The following LPP variants were observed in gnomAD, a reference collection of about 807,000 sequenced individuals.
The protein encoded by LPP is lipoma-preferred partner.
A neutral mutation model predicts 60.4 loss-of-function variants in LPP; 38 were observed. That is an observed-to-expected ratio of 0.63 (90% CI 0.49 to 0.83). LPP has a LOEUF of 0.83. LPP is among the 40% of genes least tolerant of loss of function. The pLI is 0.00. For missense variants in LPP, 902 were observed against 783.6 expected, an observed-to-expected ratio of 1.15 and a Z score of -1.80; for synonymous variants, 328 against 290.8, an observed-to-expected ratio of 1.13 and a Z score of -1.30.
chr3:188,283,031 G>C (rs1049012224), intron 2 of LPP, among the ~76,000 whole-genome samples: 3 of 152,114 alleles, frequency 2.0e-5, no homozygotes, highest in East Asian at 1.9e-4. Flanking sequence ...GAACTAGAAG[G>C]GCCCCTGGGA....
chr3:188,701,925 C>G (rs1864492145), intron 7 of LPP, among the ~76,000 whole-genome samples: 1 of 149,242 alleles, frequency 6.7e-6, no homozygotes, highest in South Asian at 2.1e-4. Flanking sequence ...CTTTTCTCAT[C>G]CTAGTTCTGT....
chr3:188,573,747 G>A (rs756274716), intron 6 of LPP, among the ~76,000 whole-genome samples: 14 of 151,934 alleles, frequency 9.2e-5, no homozygotes, highest in Non-Finnish European at 1.9e-4. Flanking sequence ...TTGGGGTTGC[G>A]GGGTATAGAG....
At chr3:188,466,118 TC>T (rs1330040311) in intron 4 of LPP, among the ~76,000 whole-genome samples, 10 of 152,120 alleles carry the variant, frequency 6.6e-5, no homozygotes, top group Middle Eastern at 3.2e-3. Flanking sequence ...ATATGGAAAA[TC>T]ATGGCTCAAT....
intron 7 of LPP, among the ~76,000 whole-genome samples, chr3:188,645,981 G>A (rs1405279508): frequency 2.6e-5 from 4 of 151,984 alleles, no homozygotes; most frequent in East Asian, 3.9e-4. Flanking sequence ...CATATTCCAA[G>A]ACTTGGCTTT....
chr3:188,292,696 C>G (rs182175769), intron 2 of LPP, among the ~76,000 whole-genome samples: 29 of 152,270 alleles, frequency 1.9e-4, no homozygotes, highest in African/African-American at 6.0e-4. Flanking sequence ...TTTTGGAAAT[C>G]TATTTCTTTT....
At chr3:188,868,143 G>A (rs1767135929) in intron 10 of LPP, among the ~76,000 whole-genome samples, 2 of 152,152 alleles carry the variant, frequency 1.3e-5, no homozygotes, top group Admixed American at 6.5e-5. Flanking sequence ...CGTCTTAAGG[G>A]AAGTGAAAAG....
chr3:188,810,541 G>A (rs995352575), intron 9 of LPP, among the ~76,000 whole-genome samples: 5 of 152,022 alleles, frequency 3.3e-5, no homozygotes, highest in Admixed American at 6.6e-5. Context: ...ATTGTTCTAC[G>A]TTATTATTAG....
At chr3:188,692,240 C>A (rs1353011160) in intron 7 of LPP, among the ~76,000 whole-genome samples, 2 of 152,180 alleles carry the variant, frequency 1.3e-5, no homozygotes, top group African/African-American at 4.8e-5. Flanking sequence ...GTCATGCAGC[C>A]TCATATATGG....
chr3:188,889,640 A>G lies in LPP; in HGVS notation c.*15161A>G, dbSNP rs539682421. On this transcript the variant is annotated 3_prime_UTR_variant, in exon 12 of 12. Coordinates refer to ENST00000617246, the MANE Select transcript of LPP (RefSeq NM_001375462.1). ...AGTAAAAGGGGACAAACTATGGAAG[A>G]TGGACTCCATGCCATTGCAGTCAGC... 1.3e-5 allele frequency: 3 copies of G among 225,388 alleles called. No individual in the cohort carries two copies. Among genetic ancestry groups the G allele is most frequent in the Non-Finnish European group, 2.7e-5 (3 of 113,120 alleles). 14.0% of individuals were successfully genotyped at this position (225,388 alleles called of 1,614,324 possible). A position where few individuals can be genotyped will look rare whatever the true frequency, so the allele number is the denominator to read the frequency against.
intron 5 of LPP, among the ~76,000 whole-genome samples, chr3:188,508,155 A>G (rs1814122846): frequency 6.6e-6 from 1 of 152,112 alleles, no homozygotes; most frequent in Non-Finnish European, 1.5e-5. Context: ...GACCATGGAG[A>G]AGGGGAACAA....
At chr3:188,851,492 G>T (rs60031712) in intron 9 of LPP, among the ~76,000 whole-genome samples, 1 of 152,072 alleles carries the variant, frequency 6.6e-6, no homozygotes, top group Non-Finnish European at 1.5e-5. Context: ...GAGGAGGAAA[G>T]TCTATTTTGC....
intron 5 of LPP, among the ~76,000 whole-genome samples, chr3:188,522,043 C>G (rs1330813572): frequency 6.6e-6 from 1 of 152,168 alleles, no homozygotes; most frequent in Non-Finnish European, 1.5e-5. Context: ...CTTAATAATA[C>G]CACAGTGTTT....
intron 1 of LPP, among the ~76,000 whole-genome samples, chr3:188,210,891 A>G (rs529344528): frequency 6.6e-6 from 1 of 152,092 alleles, no homozygotes; most frequent in Non-Finnish European, 1.5e-5. Flanking sequence ...TCCCACGCCC[A>G]CCCGCTGAGG....
At chr3:188,168,243 G>A (rs1720602180) in intron 1 of LPP, among the ~76,000 whole-genome samples, 1 of 152,206 alleles carries the variant, frequency 6.6e-6, no homozygotes, top group Non-Finnish European at 1.5e-5. Flanking sequence ...ATGTGTGATA[G>A]TTGAAGTCTA....
At chr3:188,541,632 T>C (rs763666260) in intron 6 of LPP, among the ~76,000 whole-genome samples, 1 of 151,878 alleles carries the variant, frequency 6.6e-6, no homozygotes, top group Non-Finnish European at 1.5e-5. Context: ...TGATATTAAA[T>C]ATGCCTGTAA....
intron 8 of LPP, among the ~76,000 whole-genome samples, chr3:188,737,543 A>G (rs760446320): frequency 1.6e-4 from 25 of 152,130 alleles, no homozygotes; most frequent in African/African-American, 5.6e-4. Context: ...GAGAGCTAAG[A>G]AACTTCTGAT....
At chr3:188,366,476 T>A (rs1426069823) in intron 3 of LPP, among the ~76,000 whole-genome samples, 1 of 152,118 alleles carries the variant, frequency 6.6e-6, no homozygotes, top group Non-Finnish European at 1.5e-5. Flanking sequence ...GTTGTACAGG[T>A]CATGTTAAGC....
At chr3:188,363,905 CAAAAAAA>C (rs541715135) in intron 3 of LPP, among the ~76,000 whole-genome samples, 2 of 96,900 alleles carry the variant, frequency 2.1e-5, no homozygotes, top group East Asian at 3.3e-4. Context: ...AACTCCCTCC[CAAAAAAA>C]AAAAAAAAAA....
At chr3:188,537,122 C>T (rs1393944437) in intron 6 of LPP, among the ~76,000 whole-genome samples, 1 of 152,188 alleles carries the variant, frequency 6.6e-6, no homozygotes, top group Non-Finnish European at 1.5e-5. Context: ...TCTAGTCTAG[C>T]ATAGCTAAAA....
Sources: allele counts gnomAD v4.1 joint callset (sites outside exome capture counted in the v4.1 genomes callset), GRCh38; gene constraint gnomAD v4.1.1; transcripts MANE v1.5; gene names NCBI Gene and HGNC (gene_info 2026-07-23, HGNC 2026-07-21).